The following ZBTB20 variants were observed in gnomAD, a reference collection of about 807,000 sequenced individuals.
ZBTB20 encodes the protein zinc finger and BTB domain containing 20.
Under a neutral mutation model 56.9 loss-of-function variants are expected in ZBTB20, and 9 were observed. The observed-to-expected ratio is 0.16, with a 90% confidence interval of 0.10 to 0.28. The LOEUF (loss-of-function observed/expected upper bound fraction) is 0.28. Ranked by LOEUF, ZBTB20 falls within the 10% of genes least tolerant of loss-of-function variation. The pLI is 1.00. For missense variants in ZBTB20, 655 were observed against 1,003.0 expected, an observed-to-expected ratio of 0.65 and a Z score of 4.69; for synonymous variants, 417 against 420.7, an observed-to-expected ratio of 0.99 and a Z score of 0.11.
chr3:115,048,517 C>T (rs2081421369), intron 2 of ZBTB20, among the ~76,000 whole-genome samples: 1 of 152,070 alleles, frequency 6.6e-6, no homozygotes, highest in African/African-American at 2.4e-5. Context: ...AATAATATCT[C>T]AACAGAAATG....
In ZBTB20 at chr3:114,442,704, T is replaced by C. The variant is rs2091008193; in HGVS notation, c.-254-53599A>G. 2.6e-5 allele frequency among the ~76,000 whole-genome samples: 4 copies of C among 152,314 alleles called. No homozygotes were observed. In the South Asian group the frequency reaches 8.3e-4, roughly 32 times the overall value. ...CCTGCTGTCAGTCTCTCTTCTGCCATGTTCATGTGATCTACCTCTTTTTCG... is the reference window on the plus strand; with the variant it reads ...CCTGCTGTCAGTCTCTCTTCTGCCACGTTCATGTGATCTACCTCTTTTTCG... On this transcript the variant is annotated intron_variant, in intron 7 of 11. Coordinates refer to ENST00000675478, the MANE Select transcript of ZBTB20 (RefSeq NM_001348800.3).
chr3:114,534,239 C>T (rs1041822318), intron 6 of ZBTB20, among the ~76,000 whole-genome samples: 1 of 151,964 alleles, frequency 6.6e-6, no homozygotes, highest in Non-Finnish European at 1.5e-5. Context: ...ATTTAGGAGA[C>T]CCATCTCACG....
At chr3:114,356,197 A>C (rs540860062) in intron 10 of ZBTB20, 2 of 152,292 alleles carry the variant, frequency 1.3e-5, no homozygotes, top group African/African-American at 2.4e-5. Flanking sequence ...TACCGAAGGG[A>C]AAATCTGCCT....
At chr3:114,344,962 TA>T (rs1046207330) in intron 11 of ZBTB20, among the ~76,000 whole-genome samples, 1 of 135,576 alleles carries the variant, frequency 7.4e-6, no homozygotes, top group African/African-American at 2.6e-5. Context: ...AACGCCAAAA[TA>T]TTTATCTCTT....
chr3:114,935,184 C>T (rs956289555), intron 3 of ZBTB20, among the ~76,000 whole-genome samples: 2 of 152,162 alleles, frequency 1.3e-5, no homozygotes, highest in Non-Finnish European at 2.9e-5. Flanking sequence ...GTGTACTTTG[C>T]CTCCTCCCTA....
At chr3:115,049,071 C>A (rs1005709261) in intron 2 of ZBTB20, among the ~76,000 whole-genome samples, 2 of 152,002 alleles carry the variant, frequency 1.3e-5, no homozygotes, top group Non-Finnish European at 2.9e-5. Flanking sequence ...TTATAAAACC[C>A]TTAATACTTG....
intron 3 of ZBTB20, among the ~76,000 whole-genome samples, chr3:114,920,302 T>C (rs260185): frequency 0.97 from 147,990 of 152,242 alleles, 72,085 homozygotes; most frequent in East Asian, 1. Context: ...TAGAACATTC[T>C]ATCCAACAGC....
intron 6 of ZBTB20, among the ~76,000 whole-genome samples, chr3:114,654,887 A>C (rs1197545812): frequency 6.6e-6 from 1 of 152,148 alleles, no homozygotes; most frequent in Admixed American, 6.5e-5. Flanking sequence ...TATGATTAGG[A>C]AATATCCCTC....
intron 4 of ZBTB20, among the ~76,000 whole-genome samples, chr3:114,868,766 A>C (rs2075872352): frequency 6.6e-6 from 1 of 152,190 alleles, no homozygotes; most frequent in East Asian, 1.9e-4. Context: ...AATCCTTCCA[A>C]GTATTTTTTG....
Position 114,825,677 on chromosome 3 carries a change from T to C in ZBTB20, c.-416-24503A>G, listed in dbSNP as rs146355241. On this transcript the variant is annotated intron_variant, in intron 4 of 11. Transcript: ENST00000675478. The stretch of plus-strand genomic sequence containing the variant: ...TGTACCGTACTACTGAATAGATAGG[T>C]TTAAAATACTGTGTACTGTCTATTC... Among the ~76,000 whole-genome samples the C allele has an allele frequency of 3.1e-4, 47 of 151,960 alleles. 1 individual carries two copies. In the East Asian group the frequency reaches 8.1e-3, roughly 26 times the overall value.
intron 1 of ZBTB20, among the ~76,000 whole-genome samples, chr3:115,088,878 C>A (rs1006634058): frequency 6.6e-6 from 1 of 151,814 alleles, no homozygotes; most frequent in African/African-American, 2.4e-5. Context: ...CACAGCGTGT[C>A]ATAATAGGTA....
Position 114,333,355 on chromosome 3 carries a change from CA to C in ZBTB20, c.*5649del, listed in dbSNP as rs2079332952. Reference sequence around the variant, plus strand: ...CTGCCTCTGTATGTAGCCTGAGCACCAGGGTAGAGATTGCTTTTGAAAGTTT... The same window carrying C: ...CTGCCTCTGTATGTAGCCTGAGCACCGGGTAGAGATTGCTTTTGAAAGTTT... On this transcript the variant is annotated 3_prime_UTR_variant, in exon 12 of 12. Transcript: ENST00000675478. The C allele has an allele frequency of 2.0e-5, 3 of 152,204 alleles. No homozygotes were observed. The allele number at this position is 152,204 out of a possible 1,614,324, so 9.4% of individuals were successfully genotyped here. A position where few individuals can be genotyped will look rare whatever the true frequency, so the allele number is the denominator to read the frequency against.
At chr3:114,805,968 A>G (rs1267416367) in intron 4 of ZBTB20, among the ~76,000 whole-genome samples, 2 of 151,880 alleles carry the variant, frequency 1.3e-5, no homozygotes, top group African/African-American at 2.4e-5. Flanking sequence ...CTGCATGGAT[A>G]TAACACCACA....
In ZBTB20 at chr3:115,036,292, AT is replaced by A. The variant is rs375496836; in HGVS notation, c.-507+34926del. On this transcript the variant is annotated intron_variant, in intron 2 of 11. Coordinates refer to ENST00000675478, the MANE Select transcript of ZBTB20 (RefSeq NM_001348800.3). ...AAAAAAATGAAAGAAAAGCTTTGTGATTTTTTTTTCTTTCTTTTTTTTTTCC... is the reference window on the plus strand; with the variant it reads ...AAAAAAATGAAAGAAAAGCTTTGTGATTTTTTTTCTTTCTTTTTTTTTTCC... 2.6e-3 allele frequency among the ~76,000 whole-genome samples: 388 copies of A among 150,854 alleles called. 2 individuals carry two copies. Among genetic ancestry groups the A allele is most frequent in the African/African-American group, 9.0e-3 (368 of 41,084 alleles).
At chr3:114,486,812 T>C (rs781208109) in intron 7 of ZBTB20, among the ~76,000 whole-genome samples, 7 of 152,172 alleles carry the variant, frequency 4.6e-5, no homozygotes, top group Non-Finnish European at 1.0e-4. Flanking sequence ...GTAGAACCCA[T>C]TTTAGCCTAT....
intron 6 of ZBTB20, among the ~76,000 whole-genome samples, chr3:114,693,098 A>C (rs905877788): frequency 1.3e-5 from 2 of 152,134 alleles, no homozygotes; most frequent in African/African-American, 4.8e-5. Context: ...GAGTTTTTTC[A>C]AAACATACAA....
intron 1 of ZBTB20, among the ~76,000 whole-genome samples, chr3:115,089,857 T>G (rs2083123340): frequency 6.6e-6 from 1 of 151,810 alleles, no homozygotes; most frequent in Non-Finnish European, 1.5e-5. Flanking sequence ...CTAATCGGTT[T>G]TCAAGCCTAA....
intron 2 of ZBTB20, among the ~76,000 whole-genome samples, chr3:115,009,385 G>A (rs2079605840): frequency 6.6e-6 from 1 of 151,826 alleles, no homozygotes; most frequent in Admixed American, 6.6e-5. Flanking sequence ...AATAAGCCCA[G>A]GTGCTTAGTT....
chr3:114,498,344 G>A (rs2043530448), intron 7 of ZBTB20, among the ~76,000 whole-genome samples: 1 of 152,200 alleles, frequency 6.6e-6, no homozygotes, highest in Non-Finnish European at 1.5e-5. Flanking sequence ...ACTGCTAAGA[G>A]AAGATCGAAC....
Sources: gnomAD v4.1 joint callset for allele counts (sites outside exome capture counted in the v4.1 genomes callset) on GRCh38, gnomAD v4.1.1 for gene constraint, MANE v1.5 for transcripts, NCBI Gene and HGNC (gene_info 2026-07-23, HGNC 2026-07-21) for gene names.